Variants in ZNF329 observed in about 807,000 individuals in gnomAD.
The protein encoded by ZNF329 is zinc finger protein 329.
A neutral mutation model predicts 26.6 loss-of-function variants in ZNF329; 15 were observed. That is an observed-to-expected ratio of 0.56 (90% CI 0.38 to 0.87). The LOEUF (loss-of-function observed/expected upper bound fraction) is 0.87, where lower values mean the gene tolerates loss of function less well. Among genes scored for constraint, ZNF329 ranks in the 40% least tolerant of loss-of-function variants. The pLI, the probability that ZNF329 is intolerant of heterozygous loss-of-function variation, is 0.00. For missense variants in ZNF329, 651 were observed against 651.9 expected, an observed-to-expected ratio of 1.00 and a Z score of 0.02; for synonymous variants, 239 against 233.5, an observed-to-expected ratio of 1.02 and a Z score of -0.21.
chr19:58,130,052 G>A (rs193241576), intron 3 of ZNF329, among the ~76,000 whole-genome samples: 7 of 152,322 alleles, frequency 4.6e-5, no homozygotes, highest in East Asian at 1.9e-4. Context: ...GGGCACAGTG[G>A]TTCACTCCTG....
chr19:58,146,574 C>T (rs1291069090), intron 1 of ZNF329, among the ~76,000 whole-genome samples: 2 of 141,606 alleles, frequency 1.4e-5, no homozygotes, highest in African/African-American at 6.3e-5. Flanking sequence ...CTCTCCCTCT[C>T]TTTCCACGGT....
In ZNF329 at chr19:58,144,013, A is replaced by G. The variant is rs190557095; in HGVS notation, c.-207-815T>C. Among the ~76,000 whole-genome samples the G allele has an allele frequency of 3.6e-4, 55 of 151,922 alleles. 1 individual carries two copies. The highest frequency in any genetic ancestry group is 2.7e-3 in the Admixed American group (41 of 15,224). ...GAAGAATTGCTGGAACCCGGGAGGC[A>G]GAGGTTGCAGTGAGCCGAGATTGCA... is the stretch of plus-strand genomic sequence containing the variant. On this transcript the variant is annotated intron_variant, in intron 1 of 3. Coordinates refer to ENST00000598312, the MANE Select transcript of ZNF329 (RefSeq NM_024620.4).
In ZNF329 at chr19:58,129,470, C is replaced by T; in HGVS notation, c.34G>A (p.Glu12Lys). ...RLKMTTRNFPEREVPCDVEVE... is the reference protein window; with the variant it reads ...RLKMTTRNFPKREVPCDVEVE... The stretch of plus-strand genomic sequence containing the variant: ...TCTACATCACAGGGTACTTCTCTCT[C>T]AGGAAAATTCCGAGTCGTCATTTTC... The change falls in exon 4 of 4, where the codon GAG (glutamate) becomes AAG (lysine). Residue 12 changes from glutamate (E) to lysine (K), a missense_variant. Glu to Lys is a moderately conservative substitution (Grantham distance 56). Transcript: ENST00000598312. The T allele has an allele frequency of 6.3e-7, 1 of 1,597,740 alleles. No homozygotes were observed. Among genetic ancestry groups the T allele is most frequent in the Non-Finnish European group, 8.5e-7 (1 of 1,172,016 alleles).
intron 3 of ZNF329, among the ~76,000 whole-genome samples, chr19:58,140,605 T>G (rs144627841): frequency 6.6e-6 from 1 of 151,808 alleles, no homozygotes; most frequent in Admixed American, 6.6e-5. Context: ...TTAGTAGAGA[T>G]GGGGTTTCAC....
rs1396612838 is a variant in ZNF329 at position 58,131,144 on chromosome 19, C to T, written c.-8-1633G>A. Among the ~76,000 whole-genome samples the T allele has an allele frequency of 1.0e-2, 1,488 of 149,374 alleles. 33 individuals are homozygous for T. The highest frequency in any genetic ancestry group is 0.036 in the African/African-American group (1,430 of 39,340). On this transcript the variant is annotated intron_variant, in intron 3 of 3. Transcript: ENST00000598312. ...ATGTGTGTGTGTGTGTGTGTGTGCG[C>T]GTGTATTTACATTTCAGAAGGATAC...
At chr19:58,134,893 C>T (rs563170388) in intron 3 of ZNF329, among the ~76,000 whole-genome samples, 1 of 152,146 alleles carries the variant, frequency 6.6e-6, no homozygotes, top group Non-Finnish European at 1.5e-5. Flanking sequence ...CCAAGATTGA[C>T]CCACTGAACT....
At chr19:58,144,497 C>T (rs1254704937) in intron 1 of ZNF329, among the ~76,000 whole-genome samples, 12 of 151,692 alleles carry the variant, frequency 7.9e-5, no homozygotes, top group Non-Finnish European at 1.5e-4. Context: ...AAGTGACTCT[C>T]GTGCCTCAGC....
intron 1 of ZNF329, among the ~76,000 whole-genome samples, chr19:58,148,740 G>A (rs1474570414): frequency 1.3e-5 from 2 of 152,104 alleles, no homozygotes; most frequent in Non-Finnish European, 2.9e-5. Context: ...ATGAGATCCT[G>A]GCTGAAGTAT....
intron 1 of ZNF329, among the ~76,000 whole-genome samples, chr19:58,147,762 G>A (rs1387986922): frequency 3.8e-5 from 2 of 52,860 alleles, no homozygotes; most frequent in African/African-American, 1.9e-4. Context: ...CCGTCCGGGA[G>A]GGAGGTGGGG....
chr19:58,135,059 T>C (rs925652468), intron 3 of ZNF329, among the ~76,000 whole-genome samples: 2 of 152,200 alleles, frequency 1.3e-5, no homozygotes, highest in African/African-American at 4.8e-5. Context: ...TTTGAGGTTT[T>C]TTTTTCTGAT....
At chr19:58,144,993 G>A (rs2075275556) in intron 1 of ZNF329, among the ~76,000 whole-genome samples, 1 of 151,468 alleles carries the variant, frequency 6.6e-6, no homozygotes, top group Admixed American at 6.6e-5. Flanking sequence ...GGGACTTCAG[G>A]TGCCTGCCAC....
chr19:58,143,284 G>A (rs1016588281), intron 1 of ZNF329, 86 bp from the exon 2 acceptor site: 14 of 144,400 alleles, frequency 9.7e-5, no homozygotes, highest in African/African-American at 3.6e-4. Flanking sequence ...CTCAAGACCT[G>A]AGAGGGCATT....
intron 1 of ZNF329, among the ~76,000 whole-genome samples, chr19:58,146,679 T>C (rs1459529324): frequency 1.3e-5 from 2 of 150,438 alleles, no homozygotes; most frequent in African/African-American, 4.9e-5. Context: ...GCCTGCCGAG[T>C]GCCTGCAATT....
intron 3 of ZNF329, among the ~76,000 whole-genome samples, chr19:58,140,874 A>ATTTT (rs34583536): frequency 0.36 from 47,787 of 133,210 alleles, 8,553 homozygotes; most frequent in South Asian, 0.48. Flanking sequence ...ATCACACATA[A>ATTTT]TTTTTTTTTT....
At chr19:58,137,306 C>T (rs2075092931) in intron 3 of ZNF329, among the ~76,000 whole-genome samples, 1 of 152,144 alleles carries the variant, frequency 6.6e-6, no homozygotes, top group African/African-American at 2.4e-5. Flanking sequence ...ATAATCCCAG[C>T]ACTTTGGGAG....
upstream of ZNF329, chr19:58,154,858 G>A (rs927456255): frequency 1.3e-5 from 2 of 152,574 alleles, no homozygotes; most frequent in Admixed American, 1.3e-4. Flanking sequence ...GCGGGATCTG[G>A]GGACGATCCC....
chr19:58,141,718 C>T, intron 3 of ZNF329, among the ~76,000 whole-genome samples: 1 of 152,026 alleles, frequency 6.6e-6, no homozygotes, highest in African/African-American at 2.4e-5. Context: ...ACGGTGAAAC[C>T]CCATCTCTAC....
intron 1 of ZNF329, among the ~76,000 whole-genome samples, chr19:58,144,260 C>G (rs1012414934): frequency 6.6e-6 from 1 of 151,070 alleles, no homozygotes; most frequent in African/African-American, 2.4e-5. Context: ...CTGCAACCTC[C>G]GCCTCCTGGG....
At chr19:58,148,399 A>C (rs1455868651) in intron 1 of ZNF329, among the ~76,000 whole-genome samples, 1 of 151,744 alleles carries the variant, frequency 6.6e-6, no homozygotes, top group Non-Finnish European at 1.5e-5. Flanking sequence ...ATTAAAAAAA[A>C]AAAAAAAAAA....
Sources: allele counts gnomAD v4.1 joint callset (sites outside exome capture counted in the v4.1 genomes callset), GRCh38; gene constraint gnomAD v4.1.1; transcripts MANE v1.5; gene names NCBI Gene and HGNC (gene_info 2026-07-23, HGNC 2026-07-21).